The following UBE2E1 variants were observed in gnomAD, a reference collection of about 807,000 sequenced individuals.
UBE2E1 encodes ubiquitin conjugating enzyme E2 E1.
In UBE2E1, 6 loss-of-function variants were observed where a neutral mutation model predicts 21.4. That is an observed-to-expected ratio of 0.28 (90% CI 0.15 to 0.55). The LOEUF is 0.55. Among genes scored for constraint, UBE2E1 ranks in the 20% least tolerant of loss-of-function variants. The probability of loss-of-function intolerance (pLI) is 0.93; values close to 1 mark genes in which losing one functional copy is unlikely to be tolerated. For synonymous variants in UBE2E1, 87 were observed against 82.7 expected (o/e 1.05, Z -0.28); for missense variants, 142 against 236.5 (o/e 0.60, Z 2.62).
At chr3:23,828,370 G>A (rs959330674) in intron 3 of UBE2E1, among the ~76,000 whole-genome samples, 1 of 152,134 alleles carries the variant, frequency 6.6e-6, no homozygotes, top group Non-Finnish European at 1.5e-5. Flanking sequence ...GTATGTAAAT[G>A]TAATATAACA....
At chr3:23,832,374 G>A (rs1219578748) in intron 3 of UBE2E1, among the ~76,000 whole-genome samples, 1 of 152,234 alleles carries the variant, frequency 6.6e-6, no homozygotes. Flanking sequence ...GCTGGGCGCA[G>A]TGGCTCACGC....
chr3:23,854,277 A>G (rs1479441758), intron 3 of UBE2E1, among the ~76,000 whole-genome samples: 1 of 151,110 alleles, frequency 6.6e-6, no homozygotes, highest in Admixed American at 6.6e-5. Context: ...TTATGCATCT[A>G]CCCACAGTGA....
chr3:23,821,847 A>C (rs1457992536), intron 3 of UBE2E1, among the ~76,000 whole-genome samples: 2 of 152,194 alleles, frequency 1.3e-5, no homozygotes, highest in African/African-American at 4.8e-5. Context: ...ATCTGTTCCC[A>C]TGAGGCATCC....
Position 23,889,197 on chromosome 3 carries a change from C to T in UBE2E1, c.422C>T (p.Pro141Leu). 1.2e-6 allele frequency: 2 copies of T among 1,613,412 alleles called. No individual in the cohort carries two copies. The highest frequency in any genetic ancestry group is 1.1e-5 in the South Asian group (1 of 91,052). The change falls in exon 5 of 6, where the codon CCA becomes CTA. Residue 141 changes from proline to leucine, a missense_variant. Physicochemically the swap from Pro to Leu is moderately conservative, Grantham distance 98 (BLOSUM62 -3). Around this residue, in one of 2 missense-constraint regions of UBE2E1, gnomAD observed 87 missense variants for 184.9 expected, o/e 0.47. Transcript: ENST00000306627. ...CLDILKDNWSPALTISKVLLS... is the reference protein window; with the variant it reads ...CLDILKDNWSLALTISKVLLS... ...GACATATTGAAAGATAATTGGAGTC[C>T]AGCACTAACCATTTCTAAAGTCCTC... is the stretch of plus-strand genomic sequence containing the variant.
At chr3:23,813,611 C>T (rs1354298306) in intron 3 of UBE2E1, among the ~76,000 whole-genome samples, 2 of 152,096 alleles carry the variant, frequency 1.3e-5, no homozygotes, top group South Asian at 2.1e-4. Flanking sequence ...GGCATGATTT[C>T]GGCTCATTGC....
At chr3:23,883,807 T>A (rs1701109979) in intron 3 of UBE2E1, among the ~76,000 whole-genome samples, 1 of 149,748 alleles carries the variant, frequency 6.7e-6, no homozygotes, top group Non-Finnish European at 1.5e-5. Context: ...TCCCAGCTGC[T>A]CCAGAGGCTG....
chr3:23,859,663 G>A (rs1465238906), intron 3 of UBE2E1, among the ~76,000 whole-genome samples: 2 of 152,146 alleles, frequency 1.3e-5, no homozygotes, highest in East Asian at 3.8e-4. Context: ...AAGTCTCTGG[G>A]CCTCAGTTTC....
At chr3:23,872,046 G>A (rs7610503) in intron 3 of UBE2E1, among the ~76,000 whole-genome samples, 115,561 of 150,746 alleles carry the variant, frequency 0.77, 44,582 homozygotes, top group African/African-American at 0.84. Flanking sequence ...GGTTGTAGCC[G>A]GCCGAGATCA....
At position 23,823,401 on chromosome 3, in the gene UBE2E1, G is replaced by A. The variant is rs1440337043; in HGVS notation, c.203+11891G>A. Among the ~76,000 whole-genome samples, 1 of 152,218 alleles carries A rather than the reference G, an allele frequency of 6.6e-6. No homozygotes were observed. The highest frequency in any genetic ancestry group is 6.5e-5 in the Admixed American group (1 of 15,288). Reference sequence around the variant, plus strand: ...AGTTGGAATCACAAAAGCATTAGGTGCTGAACTGCCAGAGACAAGCAACAA... The same window carrying A: ...AGTTGGAATCACAAAAGCATTAGGTACTGAACTGCCAGAGACAAGCAACAA... On this transcript the variant is annotated intron_variant, in intron 3 of 5. Coordinates refer to ENST00000306627, the MANE Select transcript of UBE2E1 (RefSeq NM_003341.5). This position sits in a 1 kb window ranked among gnomAD's most constrained non-coding sequence, Gnocchi z 4.2.
intron 3 of UBE2E1, among the ~76,000 whole-genome samples, chr3:23,868,447 T>C (rs529073272): frequency 6.6e-5 from 10 of 152,252 alleles, no homozygotes; most frequent in African/African-American, 2.4e-4. Context: ...TAGCTGGGAC[T>C]ACAGGCGCCC....
At chr3:23,860,177 G>C (rs1575022205) in intron 3 of UBE2E1, among the ~76,000 whole-genome samples, 1 of 152,318 alleles carries the variant, frequency 6.6e-6, no homozygotes, top group East Asian at 1.9e-4. Flanking sequence ...TCTGTCCTTG[G>C]TTTCTGGGTG....
intron 3 of UBE2E1, among the ~76,000 whole-genome samples, chr3:23,883,419 T>A (rs1701100366): frequency 6.6e-6 from 1 of 152,138 alleles, no homozygotes; most frequent in Non-Finnish European, 1.5e-5. Context: ...GAGTTGTTAA[T>A]ATTGTCCTCC....
At chr3:23,873,935 A>G (rs970782325) in intron 3 of UBE2E1, among the ~76,000 whole-genome samples, 2 of 152,262 alleles carry the variant, frequency 1.3e-5, no homozygotes, top group African/African-American at 4.8e-5. Flanking sequence ...CAATAAAATA[A>G]TAGATTCATA....
chr3:23,842,811 A>C lies in UBE2E1; in HGVS notation c.203+31301A>C, dbSNP rs535504984. ...AACAGTAAATGGAATAAACAATAATAACTTTGAGTCTTCTGGAATAGATGT... is the reference window on the plus strand; with the variant it reads ...AACAGTAAATGGAATAAACAATAATCACTTTGAGTCTTCTGGAATAGATGT... On this transcript the variant is annotated intron_variant, in intron 3 of 5. Transcript: ENST00000306627. The surrounding 1 kb of genome is among the most constrained non-coding windows in gnomAD (Gnocchi z 4.6). Among the ~76,000 whole-genome samples, 2 of 152,340 alleles carry C rather than the reference A, an allele frequency of 1.3e-5. No individual in the cohort carries two copies. Among genetic ancestry groups the C allele is most frequent in the South Asian group, 4.1e-4 (2 of 4,834 alleles).
At position 23,842,242 on chromosome 3, in the gene UBE2E1, T is replaced by TGG. The variant is rs1378563697; in HGVS notation, c.203+30733_203+30734insGG. ...GTGTGTGTGTGTGTGTGTGTGTGTG[T>TGG]GTGTGTGGTGTTGTTGTTGTTGGCG... is the stretch of plus-strand genomic sequence containing the variant. On this transcript the variant is annotated intron_variant, in intron 3 of 5. Coordinates refer to ENST00000306627, the MANE Select transcript of UBE2E1 (RefSeq NM_003341.5). The surrounding 1 kb of genome is among the most constrained non-coding windows in gnomAD (Gnocchi z 4.6). 4.5e-5 allele frequency among the ~76,000 whole-genome samples: 3 copies of TGG among 66,126 alleles called. No individual in the cohort carries two copies. Among genetic ancestry groups the TGG allele is most frequent in the Non-Finnish European group, 6.5e-5 (2 of 30,542 alleles). The allele number at this position is 66,126 out of a possible 152,430, so 43.4% of individuals were successfully genotyped here. A position where few individuals can be genotyped will look rare whatever the true frequency, so the allele number is the denominator to read the frequency against.
In UBE2E1 at chr3:23,890,661, TGATTTTG is replaced by T; in HGVS notation, c.*56_*62del. ...GTCTGTCACAGAAGAGAGCTGCTTA[TGATTTTG>T]AAGGGGTCAGGGAGGGTGGGAGTTG... On this transcript the variant is annotated 3_prime_UTR_variant, in exon 6 of 6. Transcript: ENST00000306627. 6.4e-7 allele frequency: 1 copy of T among 1,550,776 alleles called. No individual in the cohort carries two copies. Among genetic ancestry groups the T allele is most frequent in the Non-Finnish European group, 8.8e-7 (1 of 1,131,646 alleles).
rs55749548 is a variant in UBE2E1 at position 23,842,197 on chromosome 3, G to GT, written c.203+30687_203+30688insT. 0.18 allele frequency among the ~76,000 whole-genome samples: 24,877 copies of GT among 134,794 alleles called. 2,599 individuals are homozygous for GT. The highest frequency in any genetic ancestry group is 0.22 in the Admixed American group (2,919 of 13,126). The allele number at this position is 134,794 out of a possible 152,430, so 88.4% of individuals were successfully genotyped here. ...CTATGTCATGACCCAGTAAGTGAAG[G>GT]GGTGTGTGTGTGTGTGTGTGTGTGT... On this transcript the variant is annotated intron_variant, in intron 3 of 5. Transcript: ENST00000306627. This position sits in a 1 kb window ranked among gnomAD's most constrained non-coding sequence, Gnocchi z 4.6.
chr3:23,889,728 C>CT, intron 5 of UBE2E1: 1 of 985,212 alleles, frequency 1.0e-6, no homozygotes, highest in Non-Finnish European at 1.2e-6. Flanking sequence ...TGAATTGTGA[C>CT]TTTTTTGGGA....
chr3:23,887,656 T>C lies in UBE2E1; in HGVS notation c.293T>C (p.Leu98Pro). 6.2e-7 allele frequency: 1 copy of C among 1,613,962 alleles called. No homozygotes were observed. Among genetic ancestry groups the C allele is most frequent in the Non-Finnish European group, 8.5e-7 (1 of 1,179,992 alleles). Residue 98 changes from leucine (L) to proline (P), a missense_variant, in exon 4 of 6, where the codon CTC (leucine) becomes CCC (proline). Physicochemically the swap from Leu to Pro is moderately conservative, Grantham distance 98. Coordinates refer to ENST00000306627, the MANE Select transcript of UBE2E1 (RefSeq NM_003341.5). The surrounding 1 kb of genome is among the most constrained non-coding windows in gnomAD (Gnocchi z 4.4). ...GTGTATGAGGGTGGTGTATTCTTTC[T>C]CGATATCACTTTTACACCAGAATAT... ...GSVYEGGVFF[L>P]DITFTPEYPF...
Sources: gnomAD v4.1 joint callset for allele counts (sites outside exome capture counted in the v4.1 genomes callset) on GRCh38, gnomAD v4.1.1 for gene constraint, gnomAD v4.1.1 regional missense constraint, Gnocchi (gnomAD v3.1) non-coding constraint, MANE v1.5 for transcripts, NCBI Gene and HGNC (gene_info 2026-07-23, HGNC 2026-07-21) for gene names.